The following BRINP3 variants were observed in gnomAD, a reference collection of about 807,000 sequenced individuals.
BRINP3 encodes the protein BMP/retinoic acid-inducible neural-specific protein 3.
In BRINP3, 19 loss-of-function variants were observed where a neutral mutation model predicts 71.0. That is an observed-to-expected ratio of 0.27 (90% CI 0.19 to 0.39). BRINP3 has a LOEUF of 0.39. Ranked by LOEUF, BRINP3 falls within the 10% of genes least tolerant of loss-of-function variation. BRINP3 has a pLI of 1.00. For synonymous variants in BRINP3, 380 were observed against 337.7 expected, an observed-to-expected ratio of 1.13 and a Z score of -1.37; for missense variants, 959 against 940.8, an observed-to-expected ratio of 1.02 and a Z score of -0.25.
chr1:190,177,661 C>A (rs1395584447), intron 6 of BRINP3, among the ~76,000 whole-genome samples: 1 of 152,014 alleles, frequency 6.6e-6, no homozygotes, highest in Non-Finnish European at 1.5e-5. Flanking sequence ...TACCAATACC[C>A]CATAAGCTCT....
chr1:190,422,658 A>G (rs544759466), intron 2 of BRINP3, among the ~76,000 whole-genome samples: 4 of 151,958 alleles, frequency 2.6e-5, no homozygotes, highest in South Asian at 2.1e-4. Context: ...ATACTGGTTT[A>G]TCACAAAAGG....
intron 5 of BRINP3, among the ~76,000 whole-genome samples, chr1:190,233,763 T>G (rs1658236581): frequency 6.6e-6 from 1 of 152,192 alleles, no homozygotes; most frequent in African/African-American, 2.4e-5. Flanking sequence ...TGAGCATGTA[T>G]GCATAATTAT....
intron 7 of BRINP3, among the ~76,000 whole-genome samples, chr1:190,157,783 G>T (rs1385518836): frequency 6.6e-6 from 1 of 151,970 alleles, no homozygotes; most frequent in Non-Finnish European, 1.5e-5. Flanking sequence ...ATAAAATAAT[G>T]ATTTATAGCA....
chr1:190,115,293 A>G (rs1653036148), intron 7 of BRINP3, among the ~76,000 whole-genome samples: 1 of 152,168 alleles, frequency 6.6e-6, no homozygotes, highest in South Asian at 2.1e-4. Context: ...AATTCTCAGC[A>G]AAGTAGAAAC....
chr1:190,099,282 A>C (rs1571690274), intron 7 of BRINP3, 148 bp from the exon 8 acceptor site: 6 of 695,170 alleles, frequency 8.6e-6, no homozygotes, highest in Non-Finnish European at 1.4e-5. Flanking sequence ...TAGAGCTCAT[A>C]ATTAGACTAT....
intron 2 of BRINP3, among the ~76,000 whole-genome samples, chr1:190,443,972 T>C (rs911400806): frequency 1.2e-4 from 18 of 152,074 alleles, no homozygotes; most frequent in South Asian, 4.2e-4. Flanking sequence ...GTGGCTCCCG[T>C]CTATAATCCC....
chr1:190,416,351 T>TGCTAGATCC (rs1186659822), intron 2 of BRINP3, among the ~76,000 whole-genome samples: 1 of 152,122 alleles, frequency 6.6e-6, no homozygotes, highest in Non-Finnish European at 1.5e-5. Context: ...CACTAGATGG[T>TGCTAGATCC]AATAGTGCTT....
At chr1:190,408,267 A>T (rs1672436126) in intron 2 of BRINP3, among the ~76,000 whole-genome samples, 1 of 151,226 alleles carries the variant, frequency 6.6e-6, no homozygotes, top group African/African-American at 2.4e-5. Flanking sequence ...GATGGTCTCG[A>T]TCTCCTGACC....
At chr1:190,471,354 T>C (rs1677125977) in intron 1 of BRINP3, among the ~76,000 whole-genome samples, 1 of 151,256 alleles carries the variant, frequency 6.6e-6, no homozygotes, top group Non-Finnish European at 1.5e-5. Context: ...TATTAAACTA[T>C]CCTCCTCCTT....
intron 7 of BRINP3, among the ~76,000 whole-genome samples, chr1:190,114,293 C>T (rs1336637905): frequency 6.6e-6 from 1 of 152,150 alleles, no homozygotes; most frequent in Non-Finnish European, 1.5e-5. Flanking sequence ...TACTATGCTT[C>T]CTGTAAAGCC....
intron 1 of BRINP3, among the ~76,000 whole-genome samples, chr1:190,474,217 G>A (rs1259562189): frequency 6.6e-6 from 1 of 152,088 alleles, no homozygotes; most frequent in Non-Finnish European, 1.5e-5. Context: ...TGCACACTAA[G>A]CAGTTAAATT....
intron 2 of BRINP3, among the ~76,000 whole-genome samples, chr1:190,411,608 A>G (rs1343121586): frequency 6.6e-6 from 1 of 152,132 alleles, no homozygotes; most frequent in African/African-American, 2.4e-5. Flanking sequence ...GACTAATTGA[A>G]ATGATAACTA....
intron 4 of BRINP3, among the ~76,000 whole-genome samples, chr1:190,241,549 A>G (rs1198858592): frequency 2.6e-5 from 4 of 152,042 alleles, no homozygotes; most frequent in Non-Finnish European, 5.9e-5. Context: ...GTCAATTACA[A>G]TGGTGTAGTA....
chr1:190,128,176 G>T (rs550786815), intron 7 of BRINP3, among the ~76,000 whole-genome samples: 1 of 151,588 alleles, frequency 6.6e-6, no homozygotes, highest in Non-Finnish European at 1.5e-5. Context: ...TTTGAACTTC[G>T]TTATTCTTCC....
chr1:190,176,997 T>C (rs1215547505), intron 6 of BRINP3, among the ~76,000 whole-genome samples: 2 of 152,094 alleles, frequency 1.3e-5, no homozygotes, highest in Admixed American at 6.6e-5. Flanking sequence ...TAAAATTGCA[T>C]GGGGCAAATG....
At chr1:190,430,956 T>C (rs1312004752) in intron 2 of BRINP3, among the ~76,000 whole-genome samples, 1 of 151,830 alleles carries the variant, frequency 6.6e-6, no homozygotes, top group African/African-American at 2.4e-5. Context: ...TTGTATAAAG[T>C]GTTTTTTTTT....
chr1:190,416,189 T>C (rs1432026017), intron 2 of BRINP3, among the ~76,000 whole-genome samples: 1 of 152,186 alleles, frequency 6.6e-6, no homozygotes, highest in Non-Finnish European at 1.5e-5. Context: ...CATTAAATTA[T>C]TTTTGCTTAT....
chr1:190,130,388 A>G (rs993912087), intron 7 of BRINP3, among the ~76,000 whole-genome samples: 4 of 152,014 alleles, frequency 2.6e-5, no homozygotes, highest in Non-Finnish European at 5.9e-5. Flanking sequence ...TAATTAGTGA[A>G]TAAACTAGAT....
chr1:190,107,579 T>C (rs1459713707), intron 7 of BRINP3, among the ~76,000 whole-genome samples: 1 of 152,064 alleles, frequency 6.6e-6, no homozygotes, highest in Non-Finnish European at 1.5e-5. Context: ...TGTTGTATAA[T>C]AGATTCTTAT....
Sources: allele counts gnomAD v4.1 joint callset (sites outside exome capture counted in the v4.1 genomes callset), GRCh38; gene constraint gnomAD v4.1.1; transcripts MANE v1.5; gene names NCBI Gene and HGNC (gene_info 2026-07-23, HGNC 2026-07-21).